The following ZNF644 variants were observed in gnomAD, a reference collection of about 807,000 sequenced individuals.
ZNF644 encodes the protein zinc finger motif enhancer binding protein 2.
A neutral mutation model predicts 108.0 loss-of-function variants in ZNF644; 20 were observed. That is an observed-to-expected ratio of 0.19 (90% CI 0.13 to 0.27). The LOEUF is 0.27. Ranked by LOEUF, ZNF644 falls within the 10% of genes least tolerant of loss-of-function variation. ZNF644 has a pLI of 1.00. For synonymous variants in ZNF644, 542 were observed against 539.1 expected (o/e 1.01, Z -0.08); for missense variants, 1,338 against 1,548.9 (o/e 0.86, Z 2.29).
intron 2 of ZNF644, among the ~76,000 whole-genome samples, chr1:90,959,131 T>C (rs1333319086): frequency 1.3e-5 from 2 of 152,062 alleles, no homozygotes; most frequent in Non-Finnish European, 2.9e-5. Context: ...AAAAAAGATA[T>C]ATAAATGACC....
intron 2 of ZNF644, among the ~76,000 whole-genome samples, chr1:90,958,232 T>TAAAAAAAAAAA (rs777224217): frequency 2.4e-5 from 1 of 41,390 alleles, no homozygotes; most frequent in South Asian, 1.1e-3. Flanking sequence ...GCAAAACTCC[T>TAAAAAAAAAAA]AAAAAAAAAA....
chr1:90,950,307 GACA>G (rs1652982086), intron 2 of ZNF644, among the ~76,000 whole-genome samples: 1 of 45,150 alleles, frequency 2.2e-5, no homozygotes, highest in African/African-American at 9.4e-5. Context: ...GAGGGGAGGG[GACA>G]AAAGAAAAGA....
chr1:90,961,472 T>C (rs548578191), intron 2 of ZNF644, among the ~76,000 whole-genome samples: 1 of 152,148 alleles, frequency 6.6e-6, no homozygotes, highest in Non-Finnish European at 1.5e-5. Flanking sequence ...TTCATAATAA[T>C]ACTAACACCT....
intron 2 of ZNF644, among the ~76,000 whole-genome samples, chr1:90,945,879 T>A (rs1023018349): frequency 2.0e-5 from 3 of 152,128 alleles, no homozygotes; most frequent in Non-Finnish European, 4.4e-5. Context: ...TATAATTTCA[T>A]GCAAAATATA....
intron 4 of ZNF644, among the ~76,000 whole-genome samples, chr1:90,932,156 A>G (rs996710022): frequency 2.0e-5 from 3 of 152,186 alleles, no homozygotes; most frequent in Non-Finnish European, 2.9e-5. Context: ...TGAAGAGATT[A>G]TAAGTTAGAA....
intron 1 of ZNF644, among the ~76,000 whole-genome samples, chr1:91,013,480 C>CAT (rs1553163754): frequency 8.2e-5 from 12 of 145,462 alleles, no homozygotes; most frequent in Admixed American, 1.4e-4. Flanking sequence ...CACACACACA[C>CAT]ACATACACAC....
At chr1:90,978,836 TAA>T (rs74910043) in intron 2 of ZNF644, among the ~76,000 whole-genome samples, 36 of 137,224 alleles carry the variant, frequency 2.6e-4, no homozygotes, top group Admixed American at 1.5e-4. Flanking sequence ...AATCAGGATT[TAA>T]AAAAAAAAAA....
At chr1:90,949,631 A>G (rs879845440) in intron 2 of ZNF644, among the ~76,000 whole-genome samples, 2 of 152,250 alleles carry the variant, frequency 1.3e-5, no homozygotes, top group Admixed American at 1.3e-4. Context: ...AAAAATACAA[A>G]TAAGAAACCA....
chr1:91,018,426 T>C (rs764280731), intron 1 of ZNF644, among the ~76,000 whole-genome samples: 7 of 152,216 alleles, frequency 4.6e-5, no homozygotes, highest in Non-Finnish European at 1.0e-4. Context: ...CCAGAAAGAT[T>C]AATAAGTGTA....
intron 4 of ZNF644, among the ~76,000 whole-genome samples, chr1:90,919,011 TA>T (rs1649125242): frequency 6.6e-6 from 1 of 152,130 alleles, no homozygotes; most frequent in Non-Finnish European, 1.5e-5. Context: ...ACCAAAATTT[TA>T]TGTGAACTGT....
At chr1:90,949,845 T>C (rs920242901) in intron 2 of ZNF644, among the ~76,000 whole-genome samples, 15 of 152,168 alleles carry the variant, frequency 9.9e-5, no homozygotes, top group African/African-American at 3.6e-4. Flanking sequence ...GTTGAATGTA[T>C]GTTACTGATT....
At chr1:90,945,023 C>T (rs1652369731) in intron 2 of ZNF644, among the ~76,000 whole-genome samples, 1 of 152,082 alleles carries the variant, frequency 6.6e-6, no homozygotes, top group Non-Finnish European at 1.5e-5. Context: ...GTTAATTTTA[C>T]ACCATCTCAA....
chr1:90,945,719 T>C (rs1652447014), intron 2 of ZNF644, among the ~76,000 whole-genome samples: 1 of 152,110 alleles, frequency 6.6e-6, no homozygotes. Context: ...ATCAAATCTA[T>C]GCTGTCCACT....
chr1:90,948,921 A>G (rs112990894), intron 2 of ZNF644, among the ~76,000 whole-genome samples: 10 of 152,352 alleles, frequency 6.6e-5, no homozygotes, highest in African/African-American at 2.4e-4. Context: ...AAACTTCTGT[A>G]GATTTTAATA....
intron 4 of ZNF644, among the ~76,000 whole-genome samples, chr1:90,928,280 G>A (rs61799212): frequency 0.16 from 23,475 of 149,454 alleles, 2,085 homozygotes; most frequent in Middle Eastern, 0.28. Flanking sequence ...AGCCTCCTGA[G>A]TAGCTCAGAT....
At chr1:90,926,217 G>C (rs1650018741) in intron 4 of ZNF644, among the ~76,000 whole-genome samples, 1 of 152,122 alleles carries the variant, frequency 6.6e-6, no homozygotes, top group African/African-American at 2.4e-5. Flanking sequence ...TATGAACTCT[G>C]TTTCACCTTT....
chr1:90,934,406 G>A (rs1651099109), intron 4 of ZNF644, among the ~76,000 whole-genome samples: 1 of 152,142 alleles, frequency 6.6e-6, no homozygotes, highest in Non-Finnish European at 1.5e-5. Context: ...CTAAAAAAGA[G>A]CAAGAGAAAT....
chr1:91,021,944 C>T lies in ZNF644; in HGVS notation c.-18+46G>A, dbSNP rs1054270892. The stretch of plus-strand genomic sequence containing the variant: ...CTGCCACAGCCCAGAGGCCCGAAAC[C>T]CACTCGGGTCCCAGCGAATCTGACC... On this transcript the variant is annotated intron_variant, in intron 1 of 5. Coordinates refer to ENST00000337393, the MANE Select transcript of ZNF644 (RefSeq NM_201269.3). 9 of 398,814 alleles carry T rather than the reference C, an allele frequency of 2.3e-5. No individual in the cohort carries two copies. The Admixed American group carries it at 4.0e-4, about 18-fold the overall frequency. 24.7% of individuals were successfully genotyped at this position (398,814 alleles called of 1,614,324 possible).
intron 1 of ZNF644, among the ~76,000 whole-genome samples, chr1:90,983,985 A>T (rs1315652406): frequency 6.6e-6 from 1 of 152,158 alleles, no homozygotes; most frequent in Non-Finnish European, 1.5e-5. Context: ...CTGCTTTCGT[A>T]GACTGGAAGG....
Sources: allele counts gnomAD v4.1 joint callset (sites outside exome capture counted in the v4.1 genomes callset), GRCh38; gene constraint gnomAD v4.1.1; transcripts MANE v1.5; gene names NCBI Gene and HGNC (gene_info 2026-07-23, HGNC 2026-07-21).